ZFAND3: variants seen among roughly 807,000 people sequenced by gnomAD.
ZFAND3 encodes the protein zinc finger AN1-type containing 3, also known as AN1-type zinc finger protein 3.
Under a neutral mutation model 29.6 loss-of-function variants are expected in ZFAND3, and 10 were observed. That is an observed-to-expected ratio of 0.34 (90% CI 0.21 to 0.57). The LOEUF is 0.57. Ranked by LOEUF, ZFAND3 falls within the 20% of genes least tolerant of loss-of-function variation. The pLI is 0.86. For missense variants in ZFAND3, 230 were observed against 304.5 expected, an observed-to-expected ratio of 0.76 and a Z score of 1.82; for synonymous variants, 128 against 112.6, an observed-to-expected ratio of 1.14 and a Z score of -0.87.
intron 2 of ZFAND3, among the ~76,000 whole-genome samples, chr6:38,055,224 AT>A (rs1445861306): frequency 2.0e-5 from 3 of 152,194 alleles, no homozygotes; most frequent in Non-Finnish European, 4.4e-5. Flanking sequence ...AACATGAAGT[AT>A]TTTATGGTGT....
At chr6:38,101,607 C>T (rs1445670758) in intron 4 of ZFAND3, among the ~76,000 whole-genome samples, 1 of 151,760 alleles carries the variant, frequency 6.6e-6, no homozygotes, top group African/African-American at 2.4e-5. Context: ...AACCCCATCT[C>T]TACTAAAAAT....
At chr6:37,867,891 T>A (rs1459931665) in intron 1 of ZFAND3, among the ~76,000 whole-genome samples, 1 of 152,204 alleles carries the variant, frequency 6.6e-6, no homozygotes, top group East Asian at 1.9e-4. Context: ...CTTACTTGAG[T>A]ATATGATTTA....
chr6:38,114,377 G>A (rs990826375), intron 4 of ZFAND3, among the ~76,000 whole-genome samples: 9 of 152,208 alleles, frequency 5.9e-5, no homozygotes, highest in Admixed American at 2.6e-4. Context: ...TGTAGAAGAA[G>A]GGAGAGCGCC....
chr6:37,822,987 T>C (rs1763694256), intron 1 of ZFAND3, among the ~76,000 whole-genome samples: 1 of 152,184 alleles, frequency 6.6e-6, no homozygotes, highest in African/African-American at 2.4e-5. Context: ...ATTGTAATGC[T>C]GAGGACTTTG....
At chr6:37,852,717 CTTT>C (rs957782122) in intron 1 of ZFAND3, among the ~76,000 whole-genome samples, 1 of 138,234 alleles carries the variant, frequency 7.2e-6, no homozygotes, top group Non-Finnish European at 1.6e-5. Flanking sequence ...TTTTTCTTTT[CTTT>C]TTTTTTTTTT....
chr6:38,002,946 G>C (rs908103511), intron 2 of ZFAND3: 4 of 152,366 alleles, frequency 2.6e-5, no homozygotes, highest in African/African-American at 9.7e-5. Flanking sequence ...ACGAGAAGAG[G>C]GCTGGGGGGA....
intron 2 of ZFAND3, among the ~76,000 whole-genome samples, chr6:38,014,383 G>A (rs1426697461): frequency 1.3e-5 from 2 of 151,616 alleles, no homozygotes; most frequent in African/African-American, 4.8e-5. Flanking sequence ...CTGGAGTGCC[G>A]TGGCGCGATC....
chr6:37,953,376 C>G (rs1049092851), intron 2 of ZFAND3, among the ~76,000 whole-genome samples: 11 of 147,858 alleles, frequency 7.4e-5, no homozygotes, highest in Admixed American at 2.0e-4. Context: ...TAATAATATA[C>G]TTTCATTTCT....
chr6:37,874,742 T>C (rs1175583141), intron 1 of ZFAND3, among the ~76,000 whole-genome samples: 1 of 152,064 alleles, frequency 6.6e-6, no homozygotes, highest in Non-Finnish European at 1.5e-5. Context: ...TACCATTCTT[T>C]CTTTTTCGTT....
intron 4 of ZFAND3, among the ~76,000 whole-genome samples, chr6:38,111,970 T>C (rs1765329684): frequency 6.6e-6 from 1 of 152,198 alleles, no homozygotes; most frequent in Non-Finnish European, 1.5e-5. Flanking sequence ...GGAACCAATC[T>C]CCCTTGGATA....
chr6:38,094,176 G>A (rs1246952369), intron 4 of ZFAND3, among the ~76,000 whole-genome samples: 5 of 152,178 alleles, frequency 3.3e-5, no homozygotes, highest in African/African-American at 1.2e-4. Context: ...GTAAGTAGCA[G>A]CAGAGAGCTG....
intron 2 of ZFAND3, among the ~76,000 whole-genome samples, chr6:37,945,062 T>G (rs964410647): frequency 3.9e-5 from 6 of 152,170 alleles, no homozygotes; most frequent in Non-Finnish European, 8.8e-5. Flanking sequence ...GTCTTGGCAT[T>G]GGTGGGTGTG....
intron 2 of ZFAND3, among the ~76,000 whole-genome samples, chr6:38,030,635 A>G (rs905170296): frequency 5.3e-5 from 8 of 152,198 alleles, no homozygotes; most frequent in Admixed American, 3.3e-4. Context: ...ACATCTTTAA[A>G]AGGGGAGAAA....
chr6:38,059,381 C>T (rs1764193124), intron 2 of ZFAND3, among the ~76,000 whole-genome samples: 1 of 152,148 alleles, frequency 6.6e-6, no homozygotes, highest in Non-Finnish European at 1.5e-5. Flanking sequence ...TTGCTTTTCT[C>T]TCTCAACATT....
intron 2 of ZFAND3, among the ~76,000 whole-genome samples, chr6:37,933,073 T>C (rs1761628370): frequency 2.6e-5 from 4 of 152,256 alleles, no homozygotes; most frequent in Admixed American, 2.0e-4. Context: ...AATGCAGTAT[T>C]ACAGAAGAGC....
At chr6:37,854,596 A>T (rs1764342147) in intron 1 of ZFAND3, among the ~76,000 whole-genome samples, 1 of 152,132 alleles carries the variant, frequency 6.6e-6, no homozygotes, top group Non-Finnish European at 1.5e-5. Flanking sequence ...ATGTGTATTA[A>T]TTATTTCCTT....
intron 1 of ZFAND3, among the ~76,000 whole-genome samples, chr6:37,868,325 A>G (rs1466137183): frequency 2.0e-5 from 3 of 152,202 alleles, no homozygotes; most frequent in African/African-American, 7.2e-5. Context: ...GTGGGAGTGT[A>G]GAGAGAGGAG....
chr6:37,861,980 A>G (rs1436304344), intron 1 of ZFAND3, among the ~76,000 whole-genome samples: 2 of 152,202 alleles, frequency 1.3e-5, no homozygotes, highest in Non-Finnish European at 2.9e-5. Flanking sequence ...ATGCAAATGG[A>G]ATAATTGATT....
chr6:38,129,536 C>CGAG (rs1410072809), intron 5 of ZFAND3, among the ~76,000 whole-genome samples: 2 of 152,346 alleles, frequency 1.3e-5, no homozygotes, highest in East Asian at 3.9e-4. Context: ...CATTCTCCTA[C>CGAG]ATGTGGCTAG....
Sources: gnomAD v4.1 joint callset for allele counts (sites outside exome capture counted in the v4.1 genomes callset) on GRCh38, gnomAD v4.1.1 for gene constraint, MANE v1.5 for transcripts, NCBI Gene and HGNC (gene_info 2026-07-23, HGNC 2026-07-21) for gene names.